The following MTCL2 variants were observed in gnomAD, a reference collection of about 807,000 sequenced individuals.
The protein encoded by MTCL2 is microtubule crosslinking factor 2.
At chr20:36,828,972 G>A in the MTCL2 span, 1 of 1,405,674 alleles carries the variant, frequency 7.1e-7, no homozygotes, top group Non-Finnish European at 9.4e-7. Flanking sequence ...ACAAGCGGGG[G>A]CTCACAGAGA....
the MTCL2 span, chr20:36,812,612 C>A: frequency 6.6e-7 from 1 of 1,504,846 alleles, no homozygotes; most frequent in African/African-American, 1.4e-5. Flanking sequence ...CATATCCTCA[C>A]CAGCTAAGTG....
chr20:36,853,572 T>C, the MTCL2 span, among the ~76,000 whole-genome samples: 1 of 152,152 alleles, frequency 6.6e-6, no homozygotes, highest in Admixed American at 6.5e-5. Context: ...TATTATTTTA[T>C]CCCCATTTCA....
At chr20:36,838,048 CTTTG>C in the MTCL2 span, among the ~76,000 whole-genome samples, 1 of 150,832 alleles carries the variant, frequency 6.6e-6, no homozygotes, top group African/African-American at 2.4e-5. Flanking sequence ...CACTACTTCT[CTTTG>C]TTTTTTTTTT....
chr20:36,854,972 A>C, the MTCL2 span, among the ~76,000 whole-genome samples: 2 of 152,158 alleles, frequency 1.3e-5, no homozygotes, highest in African/African-American at 4.8e-5. Context: ...GGGTGCCCAA[A>C]ATGCAGTGCA....
chr20:36,793,727 A>C, the MTCL2 span: 1 of 1,544,252 alleles, frequency 6.5e-7, no homozygotes, highest in Non-Finnish European at 8.7e-7. This position sits in a 1 kb window ranked among gnomAD's most constrained non-coding sequence, Gnocchi z 6.8. Context: ...GCTGCTGTCC[A>C]GCTTGGACAC....
At chr20:36,863,019 G>A in the MTCL2 span, 2 of 1,398,510 alleles carry the variant, frequency 1.4e-6, no homozygotes, top group Non-Finnish European at 1.9e-6. This position sits in a 1 kb window ranked among gnomAD's most constrained non-coding sequence, Gnocchi z 6.2. Context: ...CGGCGGTGGC[G>A]GTCGCGGCCC....
At chr20:36,806,483 A>G in the MTCL2 span, among the ~76,000 whole-genome samples, 2 of 152,056 alleles carry the variant, frequency 1.3e-5, no homozygotes, top group Non-Finnish European at 2.9e-5. Flanking sequence ...GTAAATGTAT[A>G]TATTTCTTAA....
At chr20:36,854,978 G>A in the MTCL2 span, among the ~76,000 whole-genome samples, 1 of 152,168 alleles carries the variant, frequency 6.6e-6, no homozygotes, top group East Asian at 1.9e-4. Flanking sequence ...CCAAAATGCA[G>A]TGCAGCTCTG....
At chr20:36,825,046 TCTC>T in the MTCL2 span, among the ~76,000 whole-genome samples, 3,037 of 151,864 alleles carry the variant, frequency 0.02, 48 homozygotes, top group Middle Eastern at 0.031. Flanking sequence ...TTCAAGCAAT[TCTC>T]CTCCTATTTC....
the MTCL2 span, chr20:36,808,381 G>T: frequency 1.5e-6 from 1 of 687,546 alleles, no homozygotes; most frequent in Non-Finnish European, 2.4e-6. Flanking sequence ...AGCAACGAAT[G>T]CAGGAAGGAA....
the MTCL2 span, among the ~76,000 whole-genome samples, chr20:36,834,087 C>T: frequency 1.8e-4 from 27 of 150,854 alleles, no homozygotes; most frequent in South Asian, 4.8e-3. Flanking sequence ...TGCTTGAACC[C>T]GGGAGGTGGA....
the MTCL2 span, among the ~76,000 whole-genome samples, chr20:36,823,967 G>A: frequency 2.6e-5 from 4 of 152,292 alleles, no homozygotes; most frequent in South Asian, 2.1e-4. Flanking sequence ...TAGGAATTCC[G>A]GATGAGAAGG....
At chr20:36,845,089 T>A in the MTCL2 span, among the ~76,000 whole-genome samples, 1 of 152,050 alleles carries the variant, frequency 6.6e-6, no homozygotes, top group Non-Finnish European at 1.5e-5. Context: ...ATACCTGAAT[T>A]ACAGTGGCTC....
At chr20:36,859,621 C>T in the MTCL2 span, 2 of 1,231,588 alleles carry the variant, frequency 1.6e-6, no homozygotes, top group East Asian at 3.2e-5. Context: ...GAGAGTTGCC[C>T]GATTTATGCT....
At chr20:36,810,972 TG>T in the MTCL2 span, among the ~76,000 whole-genome samples, 8 of 152,128 alleles carry the variant, frequency 5.3e-5, no homozygotes, top group Non-Finnish European at 1.2e-4. Context: ...TCTGCCCACC[TG>T]GGCCTCCCAA....
chr20:36,819,022 C>G, the MTCL2 span, among the ~76,000 whole-genome samples: 1 of 152,050 alleles, frequency 6.6e-6, no homozygotes, highest in African/African-American at 2.4e-5. Context: ...ATCAGATTGG[C>G]AAAAATCCAA....
At chr20:36,780,169 T>C in the MTCL2 span, 2 of 152,118 alleles carry the variant, frequency 1.3e-5, no homozygotes, top group East Asian at 1.9e-4. Flanking sequence ...CTGGGCCTGA[T>C]TCCTCATCTC....
the MTCL2 span, among the ~76,000 whole-genome samples, chr20:36,808,071 T>C: frequency 6.7e-6 from 1 of 149,456 alleles, no homozygotes; most frequent in African/African-American, 2.5e-5. Context: ...GAGACGGGGT[T>C]TCACCATGTT....
At chr20:36,786,568 G>A in the MTCL2 span, 63 of 1,551,162 alleles carry the variant, frequency 4.1e-5, no homozygotes, top group East Asian at 9.3e-4. Flanking sequence ...GGAGAGTGGC[G>A]GATGGCAGAG....
Sources: gnomAD v4.1 joint callset for allele counts (sites outside exome capture counted in the v4.1 genomes callset) on GRCh38, gnomAD v4.1.1 for gene constraint, Gnocchi (gnomAD v3.1) non-coding constraint, MANE v1.5 for transcripts, NCBI Gene and HGNC (gene_info 2026-07-23, HGNC 2026-07-21) for gene names.